ANKRD12: variants seen among roughly 807,000 people sequenced by gnomAD.
ANKRD12 encodes the protein ankyrin repeat domain 12, also known as ankyrin repeat domain-containing protein 12.
Under a neutral mutation model 183.4 loss-of-function variants are expected in ANKRD12, and 85 were observed. That is an observed-to-expected ratio of 0.46 (90% CI 0.39 to 0.56). The LOEUF is 0.56. Ranked by LOEUF, ANKRD12 falls within the 20% of genes least tolerant of loss-of-function variation. The pLI, the probability that ANKRD12 is intolerant of heterozygous loss-of-function variation, is 0.00. For synonymous variants in ANKRD12, 914 were observed against 800.2 expected, an observed-to-expected ratio of 1.14 and a Z score of -2.40; for missense variants, 2,405 against 2,357.1, an observed-to-expected ratio of 1.02 and a Z score of -0.42.
rs771054271 is a variant in ANKRD12 at position 9,255,397 on chromosome 18, T to G, written c.2130T>G (p.Phe710Leu). 1 of 1,590,390 alleles carries G rather than the reference T, an allele frequency of 6.3e-7. No individual in the cohort carries two copies. Among genetic ancestry groups the G allele is most frequent in the Non-Finnish European group, 8.5e-7 (1 of 1,173,520 alleles). The change falls in exon 9 of 13, where the codon TTT becomes TTG. Residue 710 changes from phenylalanine to leucine, a missense_variant. Phe to Leu is a conservative substitution (Grantham distance 22, BLOSUM62 0). Around this residue, in one of 7 missense-constraint regions of ANKRD12, gnomAD observed 1,983 missense variants for 1,725.9 expected, o/e 1.15. Coordinates refer to ENST00000262126, the MANE Select transcript of ANKRD12 (RefSeq NM_015208.5). The stretch of plus-strand genomic sequence containing the variant: ...AAAGTGATGAAACTGAAGATCTCTT[T>G]TTAAATATGGAACATGAATCCTTAA... The part of the protein sequence containing the change: ...FFKSDETEDL[F>L]LNMEHESLTL...
chr18:9,235,153 A>G (rs1018297090), intron 8 of ANKRD12, among the ~76,000 whole-genome samples: 5 of 152,176 alleles, frequency 3.3e-5, no homozygotes, highest in Admixed American at 6.5e-5. Context: ...ATGATAAGTT[A>G]AAAAATTAAT....
chr18:9,217,683 T>A (rs1335693891), intron 7 of ANKRD12, among the ~76,000 whole-genome samples: 3 of 152,238 alleles, frequency 2.0e-5, no homozygotes, highest in African/African-American at 7.2e-5. Flanking sequence ...TACTCTTTTC[T>A]CTGTGCTCCT....
At chr18:9,195,024 T>G (rs945271118) in intron 2 of ANKRD12, among the ~76,000 whole-genome samples, 6 of 152,156 alleles carry the variant, frequency 3.9e-5, no homozygotes, top group African/African-American at 1.4e-4. Flanking sequence ...GAGATCATGT[T>G]TTTTGCACAG....
At chr18:9,238,741 T>C (rs1419334498) in intron 8 of ANKRD12, among the ~76,000 whole-genome samples, 1 of 152,248 alleles carries the variant, frequency 6.6e-6, no homozygotes, top group African/African-American at 2.4e-5. Context: ...CCAGCTAAAC[T>C]GAGAGTCCTT....
chr18:9,172,504 G>C (rs969828909), intron 1 of ANKRD12, among the ~76,000 whole-genome samples: 1 of 152,014 alleles, frequency 6.6e-6, no homozygotes, highest in African/African-American at 2.4e-5. Flanking sequence ...TCTCTGCTTG[G>C]TCTATTCTGC....
intron 9 of ANKRD12, among the ~76,000 whole-genome samples, chr18:9,263,335 AAG>A (rs1195033395): frequency 6.6e-6 from 1 of 152,230 alleles, no homozygotes; most frequent in East Asian, 1.9e-4. Flanking sequence ...GCTTTTATAA[AAG>A]AATTAAATGT....
Position 9,275,507 on chromosome 18 carries a change from ATTCT to A in ANKRD12, c.5764-14_5764-11del. The A allele has an allele frequency of 6.3e-7, 1 of 1,589,878 alleles. No homozygotes were observed. The highest frequency in any genetic ancestry group is 8.6e-7 in the Non-Finnish European group (1 of 1,165,722). ...TTGTTGAAGAATTTATTTTTTTTTA[ATTCT>A]TTATTCAACTAGGAAAAACTCATTG... On this transcript the variant is annotated splice_polypyrimidine_tract_variant and intron_variant, in intron 10 of 12. Coordinates refer to ENST00000262126, the MANE Select transcript of ANKRD12 (RefSeq NM_015208.5).
intron 12 of ANKRD12, 116 bp from the exon 13 acceptor site, chr18:9,280,825 G>T: frequency 1.1e-6 from 1 of 893,756 alleles, no homozygotes. Context: ...TAATTCAAAT[G>T]CTTTTTATGC....
chr18:9,140,756 T>C (rs892597389), intron 1 of ANKRD12, among the ~76,000 whole-genome samples: 8 of 152,188 alleles, frequency 5.3e-5, no homozygotes, highest in African/African-American at 1.9e-4. Flanking sequence ...TTTCAATTGA[T>C]AATCCTGGAA....
At chr18:9,253,589 G>A (rs1269349522) in intron 8 of ANKRD12, among the ~76,000 whole-genome samples, 1 of 152,188 alleles carries the variant, frequency 6.6e-6, no homozygotes, top group African/African-American at 2.4e-5. Flanking sequence ...ATCTGTTGAT[G>A]GACACAAGAT....
chr18:9,183,809 A>G (rs537838565), intron 2 of ANKRD12, among the ~76,000 whole-genome samples: 2 of 152,194 alleles, frequency 1.3e-5, no homozygotes, highest in Admixed American at 6.5e-5. Context: ...AATTATTGCT[A>G]TGACTTATAT....
intron 6 of ANKRD12, among the ~76,000 whole-genome samples, chr18:9,213,079 T>G (rs1462498091): frequency 1.3e-5 from 2 of 151,944 alleles, no homozygotes; most frequent in African/African-American, 4.8e-5. Flanking sequence ...ATGTATCATA[T>G]CAATTGAGCT....
intron 2 of ANKRD12, among the ~76,000 whole-genome samples, chr18:9,194,341 T>G (rs756879769): frequency 1.7e-5 from 2 of 114,896 alleles, no homozygotes; most frequent in South Asian, 4.7e-4. Flanking sequence ...ATTTATTTAT[T>G]TATTTATTTA....
chr18:9,177,450 C>A (rs191510944), intron 1 of ANKRD12, among the ~76,000 whole-genome samples: 11 of 151,992 alleles, frequency 7.2e-5, no homozygotes, highest in Admixed American at 7.2e-4. Context: ...GTTTAATTGA[C>A]CCATAATATT....
chr18:9,220,479 C>T (rs2036360684), intron 7 of ANKRD12, among the ~76,000 whole-genome samples: 1 of 152,162 alleles, frequency 6.6e-6, no homozygotes, highest in Admixed American at 6.5e-5. Flanking sequence ...ACCTGGCTGC[C>T]TCTTTGATGT....
At chr18:9,204,209 T>G (rs2035348741) in intron 3 of ANKRD12, among the ~76,000 whole-genome samples, 1 of 152,220 alleles carries the variant, frequency 6.6e-6, no homozygotes, top group African/African-American at 2.4e-5. Flanking sequence ...ATAGTGTGTT[T>G]TAATATATAA....
intron 7 of ANKRD12, among the ~76,000 whole-genome samples, chr18:9,218,816 G>A (rs1221927636): frequency 6.6e-6 from 1 of 151,776 alleles, no homozygotes; most frequent in East Asian, 1.9e-4. Context: ...CTACAGGCAC[G>A]CACACCATGC....
At position 9,157,567 on chromosome 18, in the gene ANKRD12, G is replaced by GTA. The variant is rs1568231230; in HGVS notation, c.-52+20603_-52+20604insAT. On this transcript the variant is annotated intron_variant, in intron 1 of 12. Coordinates refer to ENST00000262126, the MANE Select transcript of ANKRD12 (RefSeq NM_015208.5). ...TGTGTGTGGGTGTGTGTGTGTGTGT[G>GTA]TGTGTGTGTGTGTGTGTGTATATAT... Among the ~76,000 whole-genome samples the GTA allele has an allele frequency of 3.5e-3, 387 of 110,706 alleles. 4 individuals are homozygous for GTA. Among genetic ancestry groups the GTA allele is most frequent in the African/African-American group, 0.016 (368 of 22,590 alleles). 72.6% of individuals were successfully genotyped at this position (110,706 alleles called of 152,430 possible).
chr18:9,219,592 GCCT>G (rs988958463), intron 7 of ANKRD12, among the ~76,000 whole-genome samples: 4 of 151,708 alleles, frequency 2.6e-5, no homozygotes, highest in Non-Finnish European at 4.4e-5. Context: ...ACCTCCTCTT[GCCT>G]CCTCCCTCTC....
Sources: gnomAD v4.1 joint callset for allele counts (sites outside exome capture counted in the v4.1 genomes callset) on GRCh38, gnomAD v4.1.1 for gene constraint, gnomAD v4.1.1 regional missense constraint, MANE v1.5 for transcripts, NCBI Gene and HGNC (gene_info 2026-07-23, HGNC 2026-07-21) for gene names.